ZNF398: variants seen among roughly 807,000 people sequenced by gnomAD.
ZNF398 encodes zinc finger protein 398, also known as zinc finger DNA binding protein ZER6.
ZNF398 carries 18 observed loss-of-function variants against 41.9 expected under a neutral mutation model. The ratio of observed to expected loss-of-function variants is 0.43; its 90% CI spans 0.30 to 0.64. ZNF398 has a LOEUF of 0.64. Among genes scored for constraint, ZNF398 ranks in the 30% least tolerant of loss-of-function variants. The pLI is 0.14. For missense variants in ZNF398, 669 were observed against 822.8 expected (o/e 0.81, Z 2.29); for synonymous variants, 260 against 308.8 (o/e 0.84, Z 1.66).
intron 4 of ZNF398, among the ~76,000 whole-genome samples, chr7:149,174,261 A>G (rs1384690883): frequency 6.6e-6 from 1 of 152,158 alleles, no homozygotes; most frequent in African/African-American, 2.4e-5. Flanking sequence ...TATTCTTCCA[A>G]TAGAAAGTTG....
chr7:149,140,633 C>G (rs1826802124), intron 2 of ZNF398, among the ~76,000 whole-genome samples: 1 of 152,148 alleles, frequency 6.6e-6, no homozygotes, highest in Non-Finnish European at 1.5e-5. Context: ...ATCCACCCGA[C>G]TCGGCCTCCC....
chr7:149,158,423 G>A (rs377466684), intron 2 of ZNF398, among the ~76,000 whole-genome samples: 1 of 152,176 alleles, frequency 6.6e-6, no homozygotes, highest in East Asian at 1.9e-4. Context: ...GAAGTGGGGT[G>A]GAGATGAGGA....
rs1005437657 is a variant in ZNF398 at position 149,179,466 on chromosome 7, C to T, written c.1594C>T (p.Leu532=). 1 of 1,613,994 alleles carries T rather than the reference C, an allele frequency of 6.2e-7. No homozygotes were observed. Among genetic ancestry groups the T allele is most frequent in the Admixed American group, 1.7e-5 (1 of 59,994 alleles). The change falls in exon 6 of 6, where the codon CTG becomes TTG. Residue 532 remains leucine, a synonymous_variant. Coordinates refer to ENST00000475153, the MANE Select transcript of ZNF398 (RefSeq NM_170686.3). This position sits in a 1 kb window ranked among gnomAD's most constrained non-coding sequence, Gnocchi z 6.1. ...RKEHLLNHRR[L]HTGERPFSCP... ...GGAGCACCTGCTGAACCACCGGCGG[C>T]TGCACACAGGCGAGCGGCCCTTCAG...
chr7:149,159,295 G>A (rs1795049119), intron 2 of ZNF398, among the ~76,000 whole-genome samples: 1 of 151,272 alleles, frequency 6.6e-6, no homozygotes, highest in Admixed American at 6.6e-5. Context: ...TAGTCAAAAT[G>A]TATTAAAGAT....
At chr7:149,178,587 G>A in intron 5 of ZNF398, 61 bp from the exon 6 acceptor site, 2 of 1,397,988 alleles carry the variant, frequency 1.4e-6, no homozygotes, top group South Asian at 1.3e-5. Context: ...GGGTAGGAAT[G>A]CATGAGAGTT....
In ZNF398 at chr7:149,165,397, G is replaced by A. The variant is rs531084951; in HGVS notation, c.421-761G>A. On this transcript the variant is annotated intron_variant, in intron 2 of 5. Coordinates refer to ENST00000475153, the MANE Select transcript of ZNF398 (RefSeq NM_170686.3). ...TGTACAGTCAAGCTAAAGAGAAATTGCAGTGAGCTGCAGTTGCCCAGAAAA... is the reference window on the plus strand; with the variant it reads ...TGTACAGTCAAGCTAAAGAGAAATTACAGTGAGCTGCAGTTGCCCAGAAAA... 2.0e-5 allele frequency among the ~76,000 whole-genome samples: 3 copies of A among 152,326 alleles called. No homozygotes were observed. The South Asian group carries it at 6.2e-4, about 32-fold the overall frequency.
At chr7:149,163,158 A>G (rs1433939596) in intron 2 of ZNF398, among the ~76,000 whole-genome samples, 1 of 152,102 alleles carries the variant, frequency 6.6e-6, no homozygotes, top group East Asian at 1.9e-4. Flanking sequence ...AATGCTCGGA[A>G]AAAGAGCCAC....
chr7:149,162,894 G>A (rs576590377), intron 2 of ZNF398, among the ~76,000 whole-genome samples: 100 of 149,380 alleles, frequency 6.7e-4, no homozygotes, highest in African/African-American at 2.4e-3. Flanking sequence ...CCTGGGTGGG[G>A]GGAGGGGGGC....
chr7:149,155,724 T>TTA lies in ZNF398; in HGVS notation c.420+1385_420+1386insAT, dbSNP rs1554462773. 2.1e-3 allele frequency among the ~76,000 whole-genome samples: 179 copies of TTA among 83,594 alleles called. 1 individual carries two copies. The East Asian group carries it at 0.03, about 14-fold the overall frequency. The allele number at this position is 83,594 out of a possible 152,430, so 54.8% of individuals were successfully genotyped here. ...ATATATATATTTTTTTTTTTTTTTTTTTTTTAATTTTTTTTTTTTTGAGAT... is the reference window on the plus strand; with the variant it reads ...ATATATATATTTTTTTTTTTTTTTTTTATTTTTAATTTTTTTTTTTTTGAGAT... On this transcript the variant is annotated intron_variant, in intron 2 of 5. Transcript: ENST00000475153.
chr7:149,133,588 C>T (rs1826639119), intron 2 of ZNF398, among the ~76,000 whole-genome samples: 1 of 149,678 alleles, frequency 6.7e-6, no homozygotes, highest in South Asian at 2.1e-4. Context: ...GCCCCAGCTT[C>T]CCAAAGTTCT....
At position 149,154,145 on chromosome 7, in the gene ZNF398, G is replaced by C; in HGVS notation, c.225G>C (p.Glu75Asp). The C allele has an allele frequency of 6.2e-7, 1 of 1,614,180 alleles. No homozygotes were observed. Among genetic ancestry groups the C allele is most frequent in the Non-Finnish European group, 8.5e-7 (1 of 1,180,038 alleles). ...TGGAAGGTCGGACAGGGACAGCAGAGAAGAAACTAGCCAGCTGTGAAAAGA... is the reference window on the plus strand; with the variant it reads ...TGGAAGGTCGGACAGGGACAGCAGACAAGAAACTAGCCAGCTGTGAAAAGA... ...LHLEGRTGTAEKKLASCEKTV... is the reference protein window; with the variant it reads ...LHLEGRTGTADKKLASCEKTV... Residue 75 changes from glutamate (E) to aspartate (D), a missense_variant, in exon 2 of 6, where the codon GAG becomes GAC. This residue lies in a region of ZNF398 where 169 missense variants were observed against 239.5 expected (regional missense o/e 0.71). Coordinates refer to ENST00000475153, the MANE Select transcript of ZNF398 (RefSeq NM_170686.3).
chr7:149,149,648 G>C (rs1827061593), intron 1 of ZNF398, among the ~76,000 whole-genome samples: 1 of 151,614 alleles, frequency 6.6e-6, no homozygotes, highest in Non-Finnish European at 1.5e-5. Flanking sequence ...GACCAGCCTG[G>C]GCAACATAGG....
chr7:149,179,888 C>A lies in ZNF398; in HGVS notation c.*87C>A. The A allele has an allele frequency of 8.1e-7, 1 of 1,232,124 alleles. No individual in the cohort carries two copies. The highest frequency in any genetic ancestry group is 1.5e-5 in the African/African-American group (1 of 66,468). 76.3% of individuals were successfully genotyped at this position (1,232,124 alleles called of 1,614,324 possible). On this transcript the variant is annotated 3_prime_UTR_variant, in exon 6 of 6. Transcript: ENST00000475153. This position sits in a 1 kb window ranked among gnomAD's most constrained non-coding sequence, Gnocchi z 6.1. ...AGGTCTGTGAGCCCCATCCAACACC[C>A]ACAGTAATTATTATCTGGCACATCA...
chr7:149,138,746 A>C (rs1826765218), intron 2 of ZNF398, among the ~76,000 whole-genome samples: 1 of 152,170 alleles, frequency 6.6e-6, no homozygotes, highest in South Asian at 2.1e-4. Context: ...GTATGATTAT[A>C]TGTGGCCTTT....
chr7:149,174,030 G>A (rs1412803818), intron 4 of ZNF398, among the ~76,000 whole-genome samples: 1 of 151,976 alleles, frequency 6.6e-6, no homozygotes, highest in Non-Finnish European at 1.5e-5. Flanking sequence ...CTGACCTCAG[G>A]TGATCCGCCC....
At position 149,167,274 on chromosome 7, in the gene ZNF398, T is replaced by C. The variant is rs540742514; in HGVS notation, c.661+344T>C. Among the ~76,000 whole-genome samples the C allele has an allele frequency of 2.0e-5, 3 of 152,330 alleles. No homozygotes were observed. In the East Asian group the frequency reaches 5.8e-4, roughly 29 times the overall value. Reference sequence around the variant, plus strand: ...GAGCAAATATAAGCATGGCCCTTCATAAGTGCTGAAGGGACTAGGAGTCTG... The same window carrying C: ...GAGCAAATATAAGCATGGCCCTTCACAAGTGCTGAAGGGACTAGGAGTCTG... On this transcript the variant is annotated intron_variant, in intron 4 of 5. Coordinates refer to ENST00000475153, the MANE Select transcript of ZNF398 (RefSeq NM_170686.3).
At chr7:149,126,878 C>G (rs1287508719) in intron 1 of ZNF398, among the ~76,000 whole-genome samples, 3 of 152,202 alleles carry the variant, frequency 2.0e-5, no homozygotes, top group Admixed American at 2.0e-4. Context: ...ACGTCCGGTC[C>G]CCGTGGGTGC....
intron 1 of ZNF398, among the ~76,000 whole-genome samples, chr7:149,127,450 T>G (rs1485624679): frequency 6.8e-6 from 1 of 147,828 alleles, no homozygotes; most frequent in Non-Finnish European, 1.5e-5. Context: ...CTCACGCCTG[T>G]AATCCCAGCA....
At chr7:149,146,047 G>A (rs1826930925), upstream of ZNF398, among the ~76,000 whole-genome samples, 1 of 146,468 alleles carries the variant, frequency 6.8e-6, no homozygotes, top group Non-Finnish European at 1.5e-5. Context: ...CTGGGTTCCA[G>A]CGATTCTCTT....
Sources: gnomAD v4.1 joint callset for allele counts (sites outside exome capture counted in the v4.1 genomes callset) on GRCh38, gnomAD v4.1.1 for gene constraint, gnomAD v4.1.1 regional missense constraint, Gnocchi (gnomAD v3.1) non-coding constraint, MANE v1.5 for transcripts, NCBI Gene and HGNC (gene_info 2026-07-23, HGNC 2026-07-21) for gene names.